The following KATNB1 variants were observed in gnomAD, a reference collection of about 807,000 sequenced individuals.
The protein encoded by KATNB1 is katanin p80 WD40 repeat-containing subunit B1.
KATNB1 carries 38 observed loss-of-function variants against 82.3 expected under a neutral mutation model. The ratio of observed to expected loss-of-function variants is 0.46; its 90% CI spans 0.36 to 0.61. The LOEUF is 0.61. Among genes scored for constraint, KATNB1 ranks in the 20% least tolerant of loss-of-function variants. KATNB1 has a pLI of 0.00. For synonymous variants in KATNB1, 361 were observed against 368.7 expected (o/e 0.98, Z 0.24); for missense variants, 749 against 915.7 (o/e 0.82, Z 2.35).
intron 3 of KATNB1, among the ~76,000 whole-genome samples, chr16:57,744,065 G>A (rs531777061): frequency 6.6e-6 from 1 of 152,346 alleles, no homozygotes; most frequent in East Asian, 1.9e-4. Flanking sequence ...GGGCTGAAGG[G>A]ACAGCATCCC....
In KATNB1 at chr16:57,751,963, G is replaced by C. The variant is rs782539154; in HGVS notation, c.540G>C (p.Lys180Asn). Reference sequence around the variant, plus strand: ...AGCTCTGGGATCTCACTGCCGGCAAGATGATGTCTGAGTTCCCTGGTCACA... The same window carrying C: ...AGCTCTGGGATCTCACTGCCGGCAACATGATGTCTGAGTTCCCTGGTCACA... Reference protein sequence around the residue: ...TVKLWDLTAGKMMSEFPGHTG... With the variant: ...TVKLWDLTAGNMMSEFPGHTG... The change falls in exon 8 of 20, where the codon AAG becomes AAC. Residue 180 changes from lysine (K) to asparagine (N), a missense_variant. Physicochemically the swap from Lys to Asn is moderately conservative, Grantham distance 94. Coordinates refer to ENST00000379661, the MANE Select transcript of KATNB1 (RefSeq NM_005886.3). This position sits in a 1 kb window ranked among gnomAD's most constrained non-coding sequence, Gnocchi z 6.3. 2 of 1,613,918 alleles carry C rather than the reference G, an allele frequency of 1.2e-6. No homozygotes were observed. The highest frequency in any genetic ancestry group is 1.7e-5 in the Admixed American group (1 of 60,024).
chr16:57,755,540 C>T (rs782555213), intron 16 of KATNB1, 46 bp downstream of exon 16: 3 of 1,589,662 alleles, frequency 1.9e-6, no homozygotes, highest in Non-Finnish European at 2.6e-6. Flanking sequence ...CCCCCTGCCC[C>T]TGCCACCTGC....
chr16:57,754,029 T>A, intron 13 of KATNB1, 34 bp downstream of exon 13: 1 of 1,576,878 alleles, frequency 6.3e-7, no homozygotes, highest in Non-Finnish European at 8.7e-7. Flanking sequence ...CCAAGGTCTC[T>A]GATGCCCCCC....
In KATNB1 at chr16:57,755,921, A is replaced by G; in HGVS notation, c.1643+4A>G. The G allele has an allele frequency of 6.2e-7, 1 of 1,603,552 alleles. No individual in the cohort carries two copies. Among genetic ancestry groups the G allele is most frequent in the Non-Finnish European group, 8.5e-7 (1 of 1,172,238 alleles). On this transcript the variant is annotated splice_donor_region_variant and intron_variant, in intron 17 of 19. Coordinates refer to ENST00000379661, the MANE Select transcript of KATNB1 (RefSeq NM_005886.3). ...TGAACATCGTCAACCAGAAAGCGTA[A>G]GTGGCTGCAGAGGGGGAGTGGGCGG...
Position 57,755,343 on chromosome 16 carries a change from A to G in KATNB1, c.1417-2A>G. 8 of 1,613,068 alleles carry G rather than the reference A, an allele frequency of 5.0e-6. No individual in the cohort carries two copies. Among genetic ancestry groups the G allele is most frequent in the Non-Finnish European group, 6.8e-6 (8 of 1,179,974 alleles). On this transcript the variant is annotated splice_acceptor_variant, in intron 15 of 19. Transcript: ENST00000379661. LOFTEE classifies it high-confidence loss of function. ...CAGCATCTGGGTGTCCATCCCACGC[A>G]GGCCGTGAAGATCCCCCAGCAGGCC...
At chr16:57,739,893 T>C (rs1049357312) in intron 2 of KATNB1, among the ~76,000 whole-genome samples, 4 of 152,118 alleles carry the variant, frequency 2.6e-5, no homozygotes, top group Non-Finnish European at 4.4e-5. Flanking sequence ...GGGGCAGCAG[T>C]CCTGAGGCCC....
rs782490438 is a variant in KATNB1 at position 57,756,925 on chromosome 16, G to A, written c.1947G>A (p.Leu649=). 1.3e-6 allele frequency: 2 copies of A among 1,547,668 alleles called. No homozygotes were observed. The highest frequency in any genetic ancestry group is 2.4e-5 in the East Asian group (1 of 40,958). ...RHGSTFRELH[L]LMASLD is the part of the protein sequence containing the mutation. ...GCAGTACCTTCCGCGAGCTGCACCT[G>A]CTCATGGCCAGTCTGGACTGAGGAA... Residue 649 remains leucine, a synonymous_variant, in exon 20 of 20, where the codon CTG becomes CTA. Coordinates refer to ENST00000379661, the MANE Select transcript of KATNB1 (RefSeq NM_005886.3).
intron 3 of KATNB1, among the ~76,000 whole-genome samples, chr16:57,743,292 CAAAAGA>C (rs1188039732): frequency 3.3e-5 from 5 of 151,986 alleles, no homozygotes; most frequent in African/African-American, 1.2e-4. Flanking sequence ...GATTCCATCT[CAAAAGA>C]AAAAGAAAAA....
At position 57,753,282 on chromosome 16, in the gene KATNB1, G is replaced by GA; in HGVS notation, c.1046+15_1046+16insA. 6.3e-7 allele frequency: 1 copy of GA among 1,584,256 alleles called. No individual in the cohort carries two copies. The highest frequency in any genetic ancestry group is 8.6e-7 in the Non-Finnish European group (1 of 1,162,392). On this transcript the variant is annotated intron_variant, in intron 11 of 19. Coordinates refer to ENST00000379661, the MANE Select transcript of KATNB1 (RefSeq NM_005886.3). ...AAGCCTCAGAGGTGAGGGCCTGGGG[G>GA]GCCTTCGGGGGCCCAGGAGAGGGAC...
At chr16:57,749,621 G>T (rs1313680840) in intron 4 of KATNB1, among the ~76,000 whole-genome samples, 1 of 152,202 alleles carries the variant, frequency 6.6e-6, no homozygotes, top group Admixed American at 6.5e-5. Context: ...GGGATGGTCA[G>T]TTTCATTCAG....
chr16:57,738,854 A>T (rs1331259593), intron 2 of KATNB1, among the ~76,000 whole-genome samples: 1 of 151,910 alleles, frequency 6.6e-6, no homozygotes, highest in Non-Finnish European at 1.5e-5. Flanking sequence ...GTACAGCGGG[A>T]GCTCAGAGCC....
rs1473282665 is a variant in KATNB1, at chr16:57,737,106, G to A, written c.-138G>A. On this transcript the variant is annotated 5_prime_UTR_variant, in exon 2 of 20. Coordinates refer to ENST00000379661, the MANE Select transcript of KATNB1 (RefSeq NM_005886.3). ...ACGAGGCACCCCAGGGCCAGAAGACGAGGCATTCTGTCTGCCTGGATGTGT... is the reference window on the plus strand; with the variant it reads ...ACGAGGCACCCCAGGGCCAGAAGACAAGGCATTCTGTCTGCCTGGATGTGT... 9.4e-7 allele frequency: 1 copy of A among 1,064,720 alleles called. No homozygotes were observed. Among genetic ancestry groups the A allele is most frequent in the Admixed American group, 2.0e-5 (1 of 50,686 alleles). 66.0% of individuals were successfully genotyped at this position (1,064,720 alleles called of 1,614,324 possible). A position where few individuals can be genotyped will look rare whatever the true frequency, so the allele number is the denominator to read the frequency against.
chr16:57,753,613 C>T lies in KATNB1; in HGVS notation c.1177+94C>T, dbSNP rs181997207. 4.4e-3 allele frequency: 6,545 copies of T among 1,490,890 alleles called. 41 individuals carry two copies. The highest frequency in any genetic ancestry group is 0.013 in the South Asian group (1,102 of 81,876). 92.4% of individuals were successfully genotyped at this position (1,490,890 alleles called of 1,614,324 possible). A position where few individuals can be genotyped will look rare whatever the true frequency, so the allele number is the denominator to read the frequency against. ...GGTAGCCTGCTGTGGCTCCGCATCCCTTTAACTTCCTCCTAACCCACACCT... is the reference window on the plus strand; with the variant it reads ...GGTAGCCTGCTGTGGCTCCGCATCCTTTTAACTTCCTCCTAACCCACACCT... On this transcript the variant is annotated intron_variant, in intron 12 of 19. Transcript: ENST00000379661.
At chr16:57,755,807 C>A in intron 16 of KATNB1, 34 bp from the exon 17 acceptor site, 1 of 1,555,434 alleles carries the variant, frequency 6.4e-7, no homozygotes, top group Non-Finnish European at 8.7e-7. Context: ...CTGTCCCCCA[C>A]TGCCCCACCC....
Position 57,738,217 on chromosome 16 carries a change from G to C in KATNB1, c.40+934G>C, listed in dbSNP as rs2967130. Among the ~76,000 whole-genome samples, 294 of 151,526 alleles carry C rather than the reference G, an allele frequency of 1.9e-3. 10 individuals are homozygous for C. In the East Asian group the frequency reaches 0.047, roughly 24 times the overall value. ...TCCACCTGGTCACTGTCTGCTGCCAGCTGTCCCTGGGCTGGTTTTCAGGAG... is the reference window on the plus strand; with the variant it reads ...TCCACCTGGTCACTGTCTGCTGCCACCTGTCCCTGGGCTGGTTTTCAGGAG... On this transcript the variant is annotated intron_variant, in intron 2 of 19. Coordinates refer to ENST00000379661, the MANE Select transcript of KATNB1 (RefSeq NM_005886.3).
Position 57,755,826 on chromosome 16 carries a change from G to C in KATNB1, c.1567-15G>C, listed in dbSNP as rs782771338. ...CCCCCACTGCCCCACCCCTGACGGT[G>C]CTCTGTTTGCACAGACGTCGGTGGA... On this transcript the variant is annotated splice_polypyrimidine_tract_variant and intron_variant, in intron 16 of 19. Coordinates refer to ENST00000379661, the MANE Select transcript of KATNB1 (RefSeq NM_005886.3). The C allele has an allele frequency of 2.0e-5, 32 of 1,574,372 alleles. No homozygotes were observed. The highest frequency in any genetic ancestry group is 2.6e-5 in the Non-Finnish European group (30 of 1,152,990).
In KATNB1 at chr16:57,741,758, A is replaced by G; in HGVS notation, c.112A>G (p.Thr38Ala). 3 of 1,613,900 alleles carry G rather than the reference A, an allele frequency of 1.9e-6. No homozygotes were observed. The highest frequency in any genetic ancestry group is 2.5e-6 in the Non-Finnish European group (3 of 1,179,966). Residue 38 changes from threonine (T) to alanine (A), a missense_variant, in exon 3 of 20, where the codon ACA (threonine) becomes GCA (alanine). Physicochemically the swap from Thr to Ala is moderately conservative, Grantham distance 58. This residue lies in a region of KATNB1 where 247 missense variants were observed against 349.4 expected (regional missense o/e 0.71). Transcript: ENST00000379661. ...LGKASGRLLA[T>A]GGDDCRVNLW... ...CAAAGCCTCCGGGCGGCTGCTGGCT[A>G]CAGGCGGGGATGACTGCCGCGTCAA... is the stretch of plus-strand genomic sequence containing the variant.
intron 12 of KATNB1, 30 bp downstream of exon 12, chr16:57,753,549 C>A: frequency 6.2e-7 from 1 of 1,608,574 alleles, no homozygotes; most frequent in Non-Finnish European, 8.5e-7. Context: ...CCCAGCCCAG[C>A]GTCCCCATCG....
chr16:57,750,810 G>A lies in KATNB1; in HGVS notation c.290-17G>A, dbSNP rs782227383. ...CATTTGCCTCTTAGCCACTGTCTCT[G>A]CTTTCCTTCTTGTTAGTTCTTCGCA... is the stretch of plus-strand genomic sequence containing the variant. On this transcript the variant is annotated splice_polypyrimidine_tract_variant and intron_variant, in intron 4 of 19. Coordinates refer to ENST00000379661, the MANE Select transcript of KATNB1 (RefSeq NM_005886.3). 1 of 1,608,224 alleles carries A rather than the reference G, an allele frequency of 6.2e-7. No homozygotes were observed. The highest frequency in any genetic ancestry group is 1.1e-5 in the South Asian group (1 of 90,968).
Sources: gnomAD v4.1 joint callset for allele counts (sites outside exome capture counted in the v4.1 genomes callset) on GRCh38, gnomAD v4.1.1 for gene constraint, gnomAD v4.1.1 regional missense constraint, Gnocchi (gnomAD v3.1) non-coding constraint, MANE v1.5 for transcripts, NCBI Gene and HGNC (gene_info 2026-07-23, HGNC 2026-07-21) for gene names.